ADGRB3: variants seen among roughly 807,000 people sequenced by gnomAD.
ADGRB3 encodes brain-specific angiogenesis inhibitor 3.
In ADGRB3, 37 loss-of-function variants were observed where a neutral mutation model predicts 193.4. The observed-to-expected ratio is 0.19, with a 90% CI of 0.15 to 0.25. The LOEUF (loss-of-function observed/expected upper bound fraction) is 0.25, where lower values mean the gene tolerates loss of function less well. Among genes scored for constraint, ADGRB3 ranks in the 10% least tolerant of loss-of-function variants. ADGRB3 has a pLI of 1.00. For synonymous variants in ADGRB3, 690 were observed against 644.2 expected, an observed-to-expected ratio of 1.07 and a Z score of -1.08; for missense variants, 1,637 against 1,852.9, an observed-to-expected ratio of 0.88 and a Z score of 2.14.
chr6:69,283,985 G>A (rs960408950), intron 20 of ADGRB3, among the ~76,000 whole-genome samples: 29 of 152,236 alleles, frequency 1.9e-4, no homozygotes, highest in South Asian at 1.4e-3. Context: ...AAAAACAACC[G>A]TGACTCATGG....
rs1369306412 is a variant in ADGRB3, at chr6:69,018,317, T to A, written c.1999-74T>A. 8.9e-6 allele frequency: 8 copies of A among 901,320 alleles called. No homozygotes were observed. The East Asian group carries it at 2.0e-4, about 23-fold the overall frequency. 55.8% of individuals were successfully genotyped at this position (901,320 alleles called of 1,614,324 possible). A position where few individuals can be genotyped will look rare whatever the true frequency, so the allele number is the denominator to read the frequency against. On this transcript the variant is annotated intron_variant, in intron 12 of 31. Coordinates refer to ENST00000370598, the MANE Select transcript of ADGRB3 (RefSeq NM_001704.3). ...AGCTCATTTGTGATTTCATGTAGTT[T>A]AAAAAAATTCAGTTATATATGCCAT...
Position 69,202,497 on chromosome 6 carries a change from C to T in ADGRB3, c.2481-30793C>T, listed in dbSNP as rs577425628. Among the ~76,000 whole-genome samples the T allele has an allele frequency of 2.6e-5, 4 of 152,190 alleles. No individual in the cohort carries two copies. In the South Asian group the frequency reaches 6.2e-4, roughly 24 times the overall value. On this transcript the variant is annotated intron_variant, in intron 17 of 31. Transcript: ENST00000370598. The stretch of plus-strand genomic sequence containing the variant: ...GGAGAGAGAGAGACAGAGTTTTCCT[C>T]TGCTTGTCTCAAAATTGTCCTATAA...
At chr6:69,028,913 C>A (rs537282612) in intron 13 of ADGRB3, among the ~76,000 whole-genome samples, 31 of 152,168 alleles carry the variant, frequency 2.0e-4, no homozygotes, top group Non-Finnish European at 4.0e-4. Flanking sequence ...TATTTCATAG[C>A]ATGCCCCAAA....
intron 3 of ADGRB3, among the ~76,000 whole-genome samples, chr6:68,739,308 G>A (rs1765932818): frequency 1.3e-5 from 2 of 152,160 alleles, no homozygotes. Context: ...TTGTATATTG[G>A]CAAGGTATGT....
intron 17 of ADGRB3, among the ~76,000 whole-genome samples, chr6:69,119,251 G>A (rs1773619230): frequency 6.6e-6 from 1 of 152,114 alleles, no homozygotes; most frequent in African/African-American, 2.4e-5. Context: ...GAATTTATCA[G>A]CCAATGATAA....
chr6:69,082,816 TG>T (rs1490571046), intron 17 of ADGRB3, among the ~76,000 whole-genome samples: 1 of 152,210 alleles, frequency 6.6e-6, no homozygotes, highest in Non-Finnish European at 1.5e-5. Flanking sequence ...TATCTCTTAG[TG>T]TGCTAGGTTA....
At chr6:69,145,377 G>A (rs1194181400) in intron 17 of ADGRB3, among the ~76,000 whole-genome samples, 1 of 152,226 alleles carries the variant, frequency 6.6e-6, no homozygotes, top group African/African-American at 2.4e-5. Context: ...GGGGAATGTG[G>A]TGGCACCTGG....
At chr6:69,241,175 G>T (rs527334897) in intron 20 of ADGRB3, among the ~76,000 whole-genome samples, 229 of 151,898 alleles carry the variant, frequency 1.5e-3, no homozygotes, top group African/African-American at 5.1e-3. Context: ...TAGTGGTTAT[G>T]CTCTAAATCA....
At chr6:69,356,467 A>G (rs1385123493) in intron 28 of ADGRB3, among the ~76,000 whole-genome samples, 1 of 152,064 alleles carries the variant, frequency 6.6e-6, no homozygotes, top group Non-Finnish European at 1.5e-5. Context: ...GACTGTAATA[A>G]TGGAAGTGTG....
intron 3 of ADGRB3, among the ~76,000 whole-genome samples, chr6:68,688,642 T>G (rs1408819889): frequency 6.6e-6 from 1 of 152,188 alleles, no homozygotes; most frequent in Non-Finnish European, 1.5e-5. Context: ...AACTGAAATA[T>G]CTCATTTGTG....
At chr6:68,944,212 A>G (rs1033849749) in intron 6 of ADGRB3, among the ~76,000 whole-genome samples, 8 of 152,112 alleles carry the variant, frequency 5.3e-5, no homozygotes, top group Non-Finnish European at 1.0e-4. Context: ...TACCTTTATT[A>G]TATTTCTACA....
At chr6:69,341,301 C>A (rs977357705) in intron 26 of ADGRB3, among the ~76,000 whole-genome samples, 3 of 152,118 alleles carry the variant, frequency 2.0e-5, no homozygotes, top group Non-Finnish European at 4.4e-5. Flanking sequence ...TTTTAATGAT[C>A]GCCTTTCTAA....
intron 17 of ADGRB3, among the ~76,000 whole-genome samples, chr6:69,185,513 T>C (rs1765048359): frequency 6.6e-6 from 1 of 152,148 alleles, no homozygotes; most frequent in African/African-American, 2.4e-5. Flanking sequence ...ATCAGAGTAC[T>C]CTTTCTTAGA....
intron 3 of ADGRB3, among the ~76,000 whole-genome samples, chr6:68,734,613 TG>T (rs1423418378): frequency 6.6e-6 from 1 of 151,978 alleles, no homozygotes; most frequent in Non-Finnish European, 1.5e-5. Flanking sequence ...TGAGAAGTAT[TG>T]TGAACACTGG....
chr6:69,244,998 A>G (rs1766466256), intron 20 of ADGRB3, among the ~76,000 whole-genome samples: 1 of 151,992 alleles, frequency 6.6e-6, no homozygotes, highest in Admixed American at 6.6e-5. Context: ...CACTAAATTC[A>G]CCATTTCTGT....
At chr6:68,637,030 A>G (rs1241438131) in intron 1 of ADGRB3, among the ~76,000 whole-genome samples, 3 of 149,360 alleles carry the variant, frequency 2.0e-5, no homozygotes, top group Admixed American at 1.3e-4. Flanking sequence ...TTTAACCTTT[A>G]AATGCTCATT....
chr6:69,279,098 T>C (rs1767366910), intron 20 of ADGRB3, among the ~76,000 whole-genome samples: 1 of 137,042 alleles, frequency 7.3e-6, no homozygotes, highest in Admixed American at 7.3e-5. Flanking sequence ...TATATATATA[T>C]ATATATATAT....
At position 68,670,709 on chromosome 6, in the gene ADGRB3, T is replaced by C. The variant is rs568140743; in HGVS notation, c.757+31277T>C. On this transcript the variant is annotated intron_variant, in intron 3 of 31. Coordinates refer to ENST00000370598, the MANE Select transcript of ADGRB3 (RefSeq NM_001704.3). ...AGGTAATGTGATTCTTCCAGTTTTG[T>C]TCTTTTTGCTTAGGATAGCTTTAGC... Among the ~76,000 whole-genome samples the C allele has an allele frequency of 1.4e-4, 21 of 152,188 alleles. No individual in the cohort carries two copies. The South Asian group carries it at 3.9e-3, about 29-fold the overall frequency.
chr6:69,318,271 A>G (rs561859574), intron 20 of ADGRB3, among the ~76,000 whole-genome samples: 105 of 151,566 alleles, frequency 6.9e-4, no homozygotes, highest in African/African-American at 2.5e-3. Context: ...ATTTCCAAAT[A>G]ACATTTTTTA....
Sources: gnomAD v4.1 joint callset for allele counts (sites outside exome capture counted in the v4.1 genomes callset) on GRCh38, gnomAD v4.1.1 for gene constraint, MANE v1.5 for transcripts, NCBI Gene and HGNC (gene_info 2026-07-23, HGNC 2026-07-21) for gene names.